SORCS1: variants seen among roughly 807,000 people sequenced by gnomAD.
SORCS1 encodes sortilin related VPS10 domain containing receptor 1.
Under a neutral mutation model 146.1 loss-of-function variants are expected in SORCS1, and 60 were observed. That is an observed-to-expected ratio of 0.41 (90% CI 0.33 to 0.51). SORCS1 has a LOEUF of 0.51. Among genes scored for constraint, SORCS1 ranks in the 20% least tolerant of loss-of-function variants. The pLI, the probability that SORCS1 is intolerant of heterozygous loss-of-function variation, is 0.21. For missense variants in SORCS1, 1,352 were observed against 1,487.6 expected (o/e 0.91, Z 1.50); for synonymous variants, 637 against 584.0 (o/e 1.09, Z -1.31).
At chr10:106,774,588 C>G (rs940660294) in intron 4 of SORCS1, among the ~76,000 whole-genome samples, 2 of 152,100 alleles carry the variant, frequency 1.3e-5, no homozygotes, top group African/African-American at 2.4e-5. Context: ...CCTACTGTTA[C>G]AATAGAAATC....
the SORCS1 span, among the ~76,000 whole-genome samples, chr10:107,170,963 G>T: frequency 6.6e-6 from 1 of 152,154 alleles, no homozygotes; most frequent in Non-Finnish European, 1.5e-5. Context: ...CTCACTAACT[G>T]TACATTATCA....
intron 8 of SORCS1, among the ~76,000 whole-genome samples, chr10:106,704,857 A>G (rs1221857794): frequency 6.6e-6 from 1 of 152,196 alleles, no homozygotes; most frequent in Non-Finnish European, 1.5e-5. Flanking sequence ...CTGCAAGTCA[A>G]CTACTTCATT....
At chr10:106,841,523 T>A (rs1949040552) in intron 2 of SORCS1, among the ~76,000 whole-genome samples, 1 of 152,138 alleles carries the variant, frequency 6.6e-6, no homozygotes, top group African/African-American at 2.4e-5. Context: ...ATAATGCTAT[T>A]ACACACTTAA....
chr10:106,863,825 A>AG (rs1453220355), intron 2 of SORCS1, among the ~76,000 whole-genome samples: 1 of 152,090 alleles, frequency 6.6e-6, no homozygotes, highest in East Asian at 1.9e-4. Flanking sequence ...AAAAAAAAAA[A>AG]AAAGCAAAGT....
At chr10:107,092,569 G>A (rs947534479) in intron 1 of SORCS1, among the ~76,000 whole-genome samples, 1 of 152,144 alleles carries the variant, frequency 6.6e-6, no homozygotes, top group African/African-American at 2.4e-5. Context: ...GTCAGATGCT[G>A]GGCTCCTTCA....
At position 107,060,303 on chromosome 10, in the gene SORCS1, T is replaced by A. The variant is rs149860004; in HGVS notation, c.558+103666A>T. Among the ~76,000 whole-genome samples the A allele has an allele frequency of 1.5e-3, 223 of 152,278 alleles. No homozygotes were observed. Among genetic ancestry groups the A allele is most frequent in the African/African-American group, 5.2e-3 (215 of 41,558 alleles). On this transcript the variant is annotated intron_variant, in intron 1 of 25. Transcript: ENST00000263054. This position sits in a 1 kb window ranked among gnomAD's most constrained non-coding sequence, Gnocchi z 4.1. ...CATCCAATAATCTGTTTTCCCCTCA[T>A]CTGTAAAAGTGGGGTACTAGTACTG...
chr10:106,856,936 A>C (rs145134536), intron 2 of SORCS1, among the ~76,000 whole-genome samples: 169 of 152,364 alleles, frequency 1.1e-3, no homozygotes, highest in African/African-American at 3.8e-3. Flanking sequence ...TGATCTGAAC[A>C]GAGTTGTTAA....
intron 5 of SORCS1, among the ~76,000 whole-genome samples, chr10:106,759,349 G>A (rs1336308036): frequency 6.6e-6 from 1 of 152,084 alleles, no homozygotes; most frequent in East Asian, 1.9e-4. Context: ...CATGAATAAA[G>A]GATATTTAAA....
chr10:106,868,853 A>T (rs999973968), intron 2 of SORCS1, among the ~76,000 whole-genome samples: 6 of 152,208 alleles, frequency 3.9e-5, no homozygotes, highest in Non-Finnish European at 8.8e-5. Flanking sequence ...AGCTGAACTA[A>T]AGAAAATCAC....
chr10:106,662,746 A>T (rs2096254744), intron 17 of SORCS1, among the ~76,000 whole-genome samples: 2 of 152,200 alleles, frequency 1.3e-5, no homozygotes, highest in South Asian at 4.1e-4. Flanking sequence ...TTCTTTTTGC[A>T]TGAAATGACC....
rs142211127 is a variant in SORCS1 at position 106,890,084 on chromosome 10, C to T, written c.627-60411G>A. Reference sequence around the variant, plus strand: ...ACAGACTTCTGGGTTCTACCACAAACATAGTAAAGTTACCGGGATGGCAAG... The same window carrying T: ...ACAGACTTCTGGGTTCTACCACAAATATAGTAAAGTTACCGGGATGGCAAG... On this transcript the variant is annotated intron_variant, in intron 2 of 25. Transcript: ENST00000263054. Among the ~76,000 whole-genome samples, 773 of 152,124 alleles carry T rather than the reference C, an allele frequency of 5.1e-3. 14 individuals carry two copies. The highest frequency in any genetic ancestry group is 0.033 in the Admixed American group (506 of 15,276).
At chr10:106,811,777 C>A (rs1021663243) in intron 3 of SORCS1, among the ~76,000 whole-genome samples, 3 of 152,186 alleles carry the variant, frequency 2.0e-5, no homozygotes, top group Non-Finnish European at 4.4e-5. Flanking sequence ...AACTCCCAGG[C>A]ACCCTTGGGG....
intron 17 of SORCS1, among the ~76,000 whole-genome samples, chr10:106,666,075 T>G (rs975272563): frequency 6.6e-6 from 1 of 152,140 alleles, no homozygotes; most frequent in Non-Finnish European, 1.5e-5. Flanking sequence ...CTCCTGACCT[T>G]GTGATCCGCC....
chr10:106,865,705 G>C (rs1481513244), intron 2 of SORCS1, among the ~76,000 whole-genome samples: 5 of 150,654 alleles, frequency 3.3e-5, no homozygotes, highest in Admixed American at 2.7e-4. Flanking sequence ...GCCTGGGCGA[G>C]AGAGCAAGAC....
At chr10:107,103,736 C>T (rs1218884457) in intron 1 of SORCS1, among the ~76,000 whole-genome samples, 1 of 152,164 alleles carries the variant, frequency 6.6e-6, no homozygotes. Context: ...ATTGTGCAGG[C>T]ATTTACATTT....
At chr10:107,020,557 T>C (rs188692598) in intron 1 of SORCS1, among the ~76,000 whole-genome samples, 55 of 152,332 alleles carry the variant, frequency 3.6e-4, no homozygotes, top group Non-Finnish European at 5.6e-4. Flanking sequence ...CTATTAACAG[T>C]GATCAATATG....
intron 23 of SORCS1, 56 bp from the exon 24 acceptor site, chr10:106,597,506 A>T: frequency 7.6e-7 from 1 of 1,309,388 alleles, no homozygotes; most frequent in Non-Finnish European, 1.1e-6. Flanking sequence ...TTATAAACCA[A>T]TAAGCTTAGA....
chr10:106,699,297 G>T lies in SORCS1; in HGVS notation c.1330C>A (p.Arg444Ser), dbSNP rs374144953. ...DTYNLYISDT[R>S]GVYFTLALEN... ...AAGGCCAGGGTGAAGTAGACACCACGTGTGTCTGAGATGTAGAGGTTGTAC... is the reference window on the plus strand; with the variant it reads ...AAGGCCAGGGTGAAGTAGACACCACTTGTGTCTGAGATGTAGAGGTTGTAC... Residue 444 changes from arginine (R) to serine (S), a missense_variant, in exon 9 of 26, where the codon CGT (arginine) becomes AGT (serine). This residue lies in a region of SORCS1 where 648 missense variants were observed against 793.8 expected (regional missense o/e 0.82). Transcript: ENST00000263054. The T allele has an allele frequency of 1.7e-5, 28 of 1,613,824 alleles. No homozygotes were observed. Among genetic ancestry groups the T allele is most frequent in the Non-Finnish European group, 2.4e-5 (28 of 1,179,856 alleles).
At chr10:106,952,582 T>C (rs1954741211) in intron 2 of SORCS1, among the ~76,000 whole-genome samples, 2 of 145,072 alleles carry the variant, frequency 1.4e-5, no homozygotes, top group Non-Finnish European at 1.5e-5. Flanking sequence ...TTATACTATG[T>C]TATATTATAT....
Sources: gnomAD v4.1 joint callset for allele counts (sites outside exome capture counted in the v4.1 genomes callset) on GRCh38, gnomAD v4.1.1 for gene constraint, gnomAD v4.1.1 regional missense constraint, Gnocchi (gnomAD v3.1) non-coding constraint, MANE v1.5 for transcripts, NCBI Gene and HGNC (gene_info 2026-07-23, HGNC 2026-07-21) for gene names.